The following KCNQ1 variants were observed in gnomAD, a reference collection of about 807,000 sequenced individuals.
KCNQ1 encodes potassium voltage-gated channel subfamily Q member 1.
KCNQ1 carries 49 observed loss-of-function variants against 72.4 expected under a neutral mutation model. The ratio of observed to expected loss-of-function variants is 0.68; its 90% CI spans 0.54 to 0.86. The LOEUF is 0.86. Among genes scored for constraint, KCNQ1 ranks in the 40% least tolerant of loss-of-function variants. The pLI, the probability that KCNQ1 is intolerant of heterozygous loss-of-function variation, is 0.00. For missense variants in KCNQ1, 790 were observed against 945.1 expected (o/e 0.84, Z 2.15); for synonymous variants, 450 against 412.6 (o/e 1.09, Z -1.10).
Position 2,550,448 on chromosome 11 carries a change from G to T in KCNQ1, c.478-20180G>T, listed in dbSNP as rs951033993. Among the ~76,000 whole-genome samples the T allele has an allele frequency of 6.6e-6, 1 of 152,198 alleles. No individual in the cohort carries two copies. Among genetic ancestry groups the T allele is most frequent in the Non-Finnish European group, 1.5e-5 (1 of 68,020 alleles). ...GCGTCGCAGTGGCCCAGACACCCAT[G>T]TTCCTCCCTAGGCAGCTCCATGCGC... On this transcript the variant is annotated intron_variant, in intron 2 of 15. Coordinates refer to ENST00000155840, the MANE Select transcript of KCNQ1 (RefSeq NM_000218.3). This position sits in a 1 kb window ranked among gnomAD's most constrained non-coding sequence, Gnocchi z 6.0.
intron 11 of KCNQ1, among the ~76,000 whole-genome samples, chr11:2,760,106 TTGGGCAGCCCA>T (rs1846366034): frequency 6.6e-6 from 1 of 152,164 alleles, no homozygotes; most frequent in Non-Finnish European, 1.5e-5. Flanking sequence ...CGCTGGCCCC[TTGGGCAGCCCA>T]GCAGCCCCCA....
chr11:2,624,720 C>CCATTAAACAATAAT lies in KCNQ1; in HGVS notation c.1393+35867_1393+35880dup, dbSNP rs1287155447. 2 of 398,376 alleles carry CCATTAAACAATAAT rather than the reference C, an allele frequency of 5.0e-6. No homozygotes were observed. Among genetic ancestry groups the CCATTAAACAATAAT allele is most frequent in the East Asian group, 7.1e-5 (2 of 28,066 alleles). 24.7% of individuals were successfully genotyped at this position (398,376 alleles called of 1,614,324 possible). On this transcript the variant is annotated intron_variant, in intron 10 of 15. Transcript: ENST00000155840. The surrounding 1 kb of genome is among the most constrained non-coding windows in gnomAD (Gnocchi z 4.9). ...CATTTGTAATTATGAAACTCTATATCCATTAAACAATAATTCCCCAACCCC... is the reference window on the plus strand; with the variant it reads ...CATTTGTAATTATGAAACTCTATATCCATTAAACAATAATCATTAAACAATAATTCCCCAACCCC...
intron 11 of KCNQ1, chr11:2,667,763 C>G (rs1321014425): frequency 1.5e-5 from 6 of 398,616 alleles, no homozygotes; most frequent in Non-Finnish European, 2.2e-5. Flanking sequence ...CCTAGCGGCC[C>G]TGAAGGCCAG....
chr11:2,557,199 C>T (rs748941768), intron 2 of KCNQ1, among the ~76,000 whole-genome samples: 2 of 152,212 alleles, frequency 1.3e-5, no homozygotes, highest in Non-Finnish European at 2.9e-5. Context: ...AATATCAACA[C>T]TGAAGCCCAA....
rs1039008045 is a variant in KCNQ1, at chr11:2,808,222, C to T, written c.1794+30185C>T. Among the ~76,000 whole-genome samples, 5 of 152,216 alleles carry T rather than the reference C, an allele frequency of 3.3e-5. No individual in the cohort carries two copies. Among genetic ancestry groups the T allele is most frequent in the African/African-American group, 1.2e-4 (5 of 41,460 alleles). On this transcript the variant is annotated intron_variant, in intron 15 of 15. Coordinates refer to ENST00000155840, the MANE Select transcript of KCNQ1 (RefSeq NM_000218.3). The surrounding 1 kb of genome is among the most constrained non-coding windows in gnomAD (Gnocchi z 6.0). Reference sequence around the variant, plus strand: ...TTGAGGGTGAACCCATCCAGGCTGGCCCGCCTTCCAGCCCTCCCCCAGCAC... The same window carrying T: ...TTGAGGGTGAACCCATCCAGGCTGGTCCGCCTTCCAGCCCTCCCCCAGCAC...
chr11:2,692,231 A>G (rs1412382652), intron 11 of KCNQ1: 2 of 398,812 alleles, frequency 5.0e-6, no homozygotes, highest in Non-Finnish European at 8.8e-6. Flanking sequence ...CCACCTGCCC[A>G]TCACCTCAAG....
At position 2,679,804 on chromosome 11, in the gene KCNQ1, G is replaced by A; in HGVS notation, c.1514+17723G>A. The A allele has an allele frequency of 2.5e-6, 1 of 398,620 alleles. No individual in the cohort carries two copies. Among genetic ancestry groups the A allele is most frequent in the Non-Finnish European group, 4.4e-6 (1 of 226,064 alleles). The allele number at this position is 398,620 out of a possible 1,614,324, so 24.7% of individuals were successfully genotyped here. On this transcript the variant is annotated intron_variant, in intron 11 of 15. Coordinates refer to ENST00000155840, the MANE Select transcript of KCNQ1 (RefSeq NM_000218.3). This position sits in a 1 kb window ranked among gnomAD's most constrained non-coding sequence, Gnocchi z 4.8. The stretch of plus-strand genomic sequence containing the variant: ...GTTAGGCCAGTTGAGGGCTAGAGGA[G>A]CACAAGGGGCCAGACTGCTGCTACT...
chr11:2,632,049 A>C, intron 10 of KCNQ1: 1 of 396,116 alleles, frequency 2.5e-6, no homozygotes, highest in Non-Finnish European at 4.4e-6. Flanking sequence ...CAGGCATAGC[A>C]GCGTGTGCCT....
chr11:2,601,853 T>C lies in KCNQ1; in HGVS notation c.1393+12999T>C, dbSNP rs1848813260. Among the ~76,000 whole-genome samples, 1 of 152,214 alleles carries C rather than the reference T, an allele frequency of 6.6e-6. No homozygotes were observed. The highest frequency in any genetic ancestry group is 2.4e-5 in the African/African-American group (1 of 41,460). On this transcript the variant is annotated intron_variant, in intron 10 of 15. Transcript: ENST00000155840. This position sits in a 1 kb window ranked among gnomAD's most constrained non-coding sequence, Gnocchi z 5.2. ...CATGTGGGTCATTCCCAGTTTGGGC[T>C]ATTACAAATCAGAGTAGGCTGAACA...
At chr11:2,476,151 C>T (rs919414022) in intron 1 of KCNQ1, among the ~76,000 whole-genome samples, 7 of 152,054 alleles carry the variant, frequency 4.6e-5, no homozygotes, top group Admixed American at 6.5e-5. Context: ...AACTTAAAAG[C>T]AAAAGATGTA....
chr11:2,696,779 A>C (rs1850683630), intron 11 of KCNQ1: 1 of 398,462 alleles, frequency 2.5e-6, no homozygotes, highest in South Asian at 1.3e-4. Context: ...CGTCTTTGTT[A>C]ATTCCTAGAC....
Position 2,464,892 on chromosome 11 carries a change from C to A in KCNQ1, c.386+19408C>A, listed in dbSNP as rs934780307. Among the ~76,000 whole-genome samples, 2 of 152,180 alleles carry A rather than the reference C, an allele frequency of 1.3e-5. No individual in the cohort carries two copies. The highest frequency in any genetic ancestry group is 4.8e-5 in the African/African-American group (2 of 41,444). ...CTGTGTGTTAAGGTAGTTCAAAGTC[C>A]TCCTGCCCGAGGAAGTAAGACAGCA... On this transcript the variant is annotated intron_variant, in intron 1 of 15. Transcript: ENST00000155840. This position sits in a 1 kb window ranked among gnomAD's most constrained non-coding sequence, Gnocchi z 5.0.
intron 10 of KCNQ1, chr11:2,633,278 C>T (rs77336468): frequency 0.013 from 5,149 of 398,404 alleles, 157 homozygotes; most frequent in East Asian, 0.079. Flanking sequence ...TTGTATATTC[C>T]GGATATTAAT....
rs923424983 is a variant in KCNQ1, at chr11:2,626,255, T to G, written c.1394-35706T>G. ...TGTTAGGTAAGGGTCTCAACTTCAT[T>G]CTCTTTTATACATGGTTAGGTAAGG... is the stretch of plus-strand genomic sequence containing the variant. On this transcript the variant is annotated intron_variant, in intron 10 of 15. Transcript: ENST00000155840. The surrounding 1 kb of genome is among the most constrained non-coding windows in gnomAD (Gnocchi z 4.0). 2.5e-5 allele frequency: 10 copies of G among 398,412 alleles called. No homozygotes were observed. The highest frequency in any genetic ancestry group is 4.4e-5 in the Non-Finnish European group (10 of 226,060). The allele number at this position is 398,412 out of a possible 1,614,324, so 24.7% of individuals were successfully genotyped here.
In KCNQ1 at chr11:2,583,602, T is replaced by A. The variant is rs1589965463; in HGVS notation, c.1032+57T>A. ...TCCTTGGACAGCTGGGGTCCTGGGG[T>A]GGCTGCACGCCCCTCCCTGTGAGCA... is the stretch of plus-strand genomic sequence containing the variant. On this transcript the variant is annotated intron_variant, in intron 7 of 15. Coordinates refer to ENST00000155840, the MANE Select transcript of KCNQ1 (RefSeq NM_000218.3). 5.9e-6 allele frequency: 7 copies of A among 1,195,020 alleles called. No individual in the cohort carries two copies. In the South Asian group the frequency reaches 8.4e-5, roughly 14 times the overall value. The allele number at this position is 1,195,020 out of a possible 1,614,324, so 74.0% of individuals were successfully genotyped here.
In KCNQ1 at chr11:2,623,033, G is replaced by A. The variant is rs1457715365; in HGVS notation, c.1393+34179G>A. On this transcript the variant is annotated intron_variant, in intron 10 of 15. Coordinates refer to ENST00000155840, the MANE Select transcript of KCNQ1 (RefSeq NM_000218.3). This position sits in a 1 kb window ranked among gnomAD's most constrained non-coding sequence, Gnocchi z 5.2. ...TGTAATCCCCATGTGTCAGGGGAGGGGCCTGGTGGGGGGCAAACTTCCCCC... is the reference window on the plus strand; with the variant it reads ...TGTAATCCCCATGTGTCAGGGGAGGAGCCTGGTGGGGGGCAAACTTCCCCC... 2.5e-6 allele frequency: 1 copy of A among 398,430 alleles called. No individual in the cohort carries two copies. The highest frequency in any genetic ancestry group is 2.1e-5 in the African/African-American group (1 of 48,592). 24.7% of individuals were successfully genotyped at this position (398,430 alleles called of 1,614,324 possible). A position where few individuals can be genotyped will look rare whatever the true frequency, so the allele number is the denominator to read the frequency against.
rs1847536024 is a variant in KCNQ1, at chr11:2,813,494, G to A, written c.1795-34273G>A. ...TCCCCCTTCCTCAACCCTGCGCCTG[G>A]TCACCAAGTCCTGACAACACCTCCA... On this transcript the variant is annotated intron_variant, in intron 15 of 15. Transcript: ENST00000155840. The surrounding 1 kb of genome is among the most constrained non-coding windows in gnomAD (Gnocchi z 4.4). Among the ~76,000 whole-genome samples, 1 of 151,780 alleles carries A rather than the reference G, an allele frequency of 6.6e-6. No homozygotes were observed.
At chr11:2,685,659 C>T (rs1238214278) in intron 11 of KCNQ1, 2 of 398,536 alleles carry the variant, frequency 5.0e-6, no homozygotes, top group Middle Eastern at 6.2e-4. Flanking sequence ...CACACAGGTA[C>T]CAGAAGTTCA....
rs1323211727 is a variant in KCNQ1 at position 2,723,256 on chromosome 11, G to C, written c.1515-45588G>C. ...CCCACTCCCTGCCGCCCTGGACAAGGTGCCCACGGCCCTGTCCCATTTACC... is the reference window on the plus strand; with the variant it reads ...CCCACTCCCTGCCGCCCTGGACAAGCTGCCCACGGCCCTGTCCCATTTACC... On this transcript the variant is annotated intron_variant, in intron 11 of 15. Coordinates refer to ENST00000155840, the MANE Select transcript of KCNQ1 (RefSeq NM_000218.3). The surrounding 1 kb of genome is among the most constrained non-coding windows in gnomAD (Gnocchi z 4.2). Among the ~76,000 whole-genome samples the C allele has an allele frequency of 3.3e-5, 5 of 152,224 alleles. No individual in the cohort carries two copies. Among genetic ancestry groups the C allele is most frequent in the African/African-American group, 1.2e-4 (5 of 41,464 alleles).
Sources: allele counts gnomAD v4.1 joint callset (sites outside exome capture counted in the v4.1 genomes callset), GRCh38; gene constraint gnomAD v4.1.1; non-coding constraint Gnocchi (gnomAD v3.1); transcripts MANE v1.5; gene names NCBI Gene and HGNC (gene_info 2026-07-23, HGNC 2026-07-21).